TAOK2: variants seen among roughly 807,000 people sequenced by gnomAD.
TAOK2 encodes the protein TAO kinase 2, also known as serine/threonine-protein kinase TAO2.
Under a neutral mutation model 122.5 loss-of-function variants are expected in TAOK2, and 42 were observed. The observed-to-expected ratio is 0.34, with a 90% confidence interval of 0.27 to 0.44. The LOEUF (loss-of-function observed/expected upper bound fraction) is 0.44. Ranked by LOEUF, TAOK2 falls within the 20% of genes least tolerant of loss-of-function variation. The pLI, the probability that TAOK2 is intolerant of heterozygous loss-of-function variation, is 1.00. For missense variants in TAOK2, 1,264 were observed against 1,644.9 expected (o/e 0.77, Z 4.01); for synonymous variants, 704 against 677.6 (o/e 1.04, Z -0.61).
chr16:29,986,668 G>A lies in TAOK2; in HGVS notation c.2396G>A (p.Arg799Lys). The A allele has an allele frequency of 6.2e-7, 1 of 1,613,054 alleles. No individual in the cohort carries two copies. The highest frequency in any genetic ancestry group is 8.5e-7 in the Non-Finnish European group (1 of 1,179,646). ...GAGGAGGAGGAAGCAGTTGGAGAGA[G>A]AAGGATTCTGGGAAAGGAAGGGGCC... ...LGEEEEAVGE[R>K]RILGKEGATL... The change falls in exon 16 of 16, where the codon AGA becomes AAA. Residue 799 changes from arginine (R) to lysine (K), a missense_variant. Arg to Lys is a conservative substitution (Grantham distance 26, BLOSUM62 2). Around this residue, in one of 4 missense-constraint regions of TAOK2, gnomAD observed 824 missense variants for 908.7 expected, o/e 0.91. Coordinates refer to ENST00000308893, the MANE Select transcript of TAOK2 (RefSeq NM_016151.4). This position sits in a 1 kb window ranked among gnomAD's most constrained non-coding sequence, Gnocchi z 4.2.
At position 29,986,780 on chromosome 16, in the gene TAOK2, TGAG is replaced by T. The variant is rs1292587667; in HGVS notation, c.2511_2513del (p.Glu838del). On this transcript the variant is annotated inframe_deletion, in exon 16 of 16. Transcript: ENST00000308893. The surrounding 1 kb of genome is among the most constrained non-coding windows in gnomAD (Gnocchi z 4.2). The stretch of plus-strand genomic sequence containing the variant: ...CACAAAAACATGGGAGCCTGGTTGA[TGAG>T]GAAGTTTGGGGTCTGCCTGAGGAGA... 2 of 1,613,558 alleles carry T rather than the reference TGAG, an allele frequency of 1.2e-6. No individual in the cohort carries two copies. Among genetic ancestry groups the T allele is most frequent in the East Asian group, 4.5e-5 (2 of 44,892 alleles).
intron 13 of TAOK2, chr16:29,984,995 G>A (rs779545236): frequency 2.2e-4 from 103 of 478,760 alleles, no homozygotes; most frequent in Non-Finnish European, 3.2e-4. Context: ...CCCTGTGCTC[G>A]CCACCTTTTA....
Position 29,977,763 on chromosome 16 carries a change from A to G in TAOK2, c.-10A>G. The G allele has an allele frequency of 6.2e-7, 1 of 1,613,810 alleles. No homozygotes were observed. Among genetic ancestry groups the G allele is most frequent in the Non-Finnish European group, 8.5e-7 (1 of 1,179,888 alleles). ...GCCAGGCCCCACTCTCAGGGCCCCC[A>G]GGGGCCACCATGCCAGCTGGGGGCC... On this transcript the variant is annotated 5_prime_UTR_variant, in exon 2 of 16. Coordinates refer to ENST00000308893, the MANE Select transcript of TAOK2 (RefSeq NM_016151.4).
Position 29,985,759 on chromosome 16 carries a change from G to T in TAOK2, c.1890G>T (p.Gly630=). ...AGTGCCAGGCGGAGGAGGAAGCAGG[G>T]CTGCTGCGGCGGCAGCGCCAGTACT... is the stretch of plus-strand genomic sequence containing the variant. ...LQQCQAEEEA[G]LLRRQRQYFE... Residue 630 remains glycine, a synonymous_variant, in exon 15 of 16, where the codon GGG becomes GGT. Transcript: ENST00000308893. The surrounding 1 kb of genome is among the most constrained non-coding windows in gnomAD (Gnocchi z 6.9). 6.2e-7 allele frequency: 1 copy of T among 1,611,600 alleles called. No homozygotes were observed.
rs2150907403 is a variant in TAOK2, at chr16:29,988,149, G to T, written c.*169G>T. ...CTCTAGACAGGCAGCCTCCTCAGCT[G>T]TGGAGTCCAGCAGTCACTCTGTGTT... On this transcript the variant is annotated 3_prime_UTR_variant, in exon 16 of 16. Transcript: ENST00000308893. 7.0e-7 allele frequency: 1 copy of T among 1,433,120 alleles called. No individual in the cohort carries two copies. Among genetic ancestry groups the T allele is most frequent in the East Asian group, 2.5e-5 (1 of 39,878 alleles). 88.8% of individuals were successfully genotyped at this position (1,433,120 alleles called of 1,614,324 possible).
Position 29,978,251 on chromosome 16 carries a change from G to C in TAOK2, c.205-1G>C. ...AACCTCTGCCTACCCTGACCCCCTAGAAATGGCAAGACATCATCAAGGAGG... is the reference window on the plus strand; with the variant it reads ...AACCTCTGCCTACCCTGACCCCCTACAAATGGCAAGACATCATCAAGGAGG... On this transcript the variant is annotated splice_acceptor_variant, in intron 3 of 15. Coordinates refer to ENST00000308893, the MANE Select transcript of TAOK2 (RefSeq NM_016151.4). LOFTEE classifies it high-confidence loss of function. 6.2e-7 allele frequency: 1 copy of C among 1,614,066 alleles called. No individual in the cohort carries two copies. The highest frequency in any genetic ancestry group is 2.2e-5 in the East Asian group (1 of 44,884).
At chr16:29,983,787 C>T in intron 13 of TAOK2, 123 bp downstream of exon 13, 1 of 1,436,406 alleles carries the variant, frequency 7.0e-7, no homozygotes, top group Non-Finnish European at 9.4e-7. Flanking sequence ...TTTTCTGTTG[C>T]TGGCTCCTGC....
Position 29,975,263 on chromosome 16 carries a change from TTC to T in TAOK2, c.-36+620_-36+621del, listed in dbSNP as rs1267563982. ...CTTTTACAAAGTGCTTTGACAGCCA[TTC>T]TCTCATGTGACATCCCCGCATTCAC... On this transcript the variant is annotated intron_variant, in intron 1 of 15. Coordinates refer to ENST00000308893, the MANE Select transcript of TAOK2 (RefSeq NM_016151.4). Among the ~76,000 whole-genome samples, 3 of 152,226 alleles carry T rather than the reference TTC, an allele frequency of 2.0e-5. No homozygotes were observed. In the East Asian group the frequency reaches 5.8e-4, roughly 29 times the overall value.
Position 29,985,734 on chromosome 16 carries a change from A to C in TAOK2, c.1865A>C (p.Gln622Pro). Reference sequence around the variant, plus strand: ...CTGCGGCAGAAGGAGCAGCTCCAGCAGTGCCAGGCGGAGGAGGAAGCAGGG... The same window carrying C: ...CTGCGGCAGAAGGAGCAGCTCCAGCCGTGCCAGGCGGAGGAGGAAGCAGGG... Reference protein sequence around the residue: ...WLLRQKEQLQQCQAEEEAGLL... With the variant: ...WLLRQKEQLQPCQAEEEAGLL... The change falls in exon 15 of 16, where the codon CAG becomes CCG. Residue 622 changes from glutamine to proline, a missense_variant. Physicochemically the swap from Gln to Pro is moderately conservative, Grantham distance 76. Around this residue, in one of 4 missense-constraint regions of TAOK2, gnomAD observed 824 missense variants for 908.7 expected, o/e 0.91. Transcript: ENST00000308893. This position sits in a 1 kb window ranked among gnomAD's most constrained non-coding sequence, Gnocchi z 6.9. The C allele has an allele frequency of 6.2e-7, 1 of 1,610,244 alleles. No individual in the cohort carries two copies. Among genetic ancestry groups the C allele is most frequent in the Non-Finnish European group, 8.5e-7 (1 of 1,178,946 alleles).
downstream of TAOK2, chr16:29,988,588 G>C: frequency 1.0e-6 from 1 of 985,364 alleles, no homozygotes; most frequent in Non-Finnish European, 1.2e-6. Context: ...CCGGCTCTGG[G>C]GTCTGGGCCC....
At chr16:29,977,926 T>G (rs1471504107) in intron 2 of TAOK2, 22 bp downstream of exon 2, 9 of 1,613,586 alleles carry the variant, frequency 5.6e-6, no homozygotes, top group Non-Finnish European at 6.8e-6. Flanking sequence ...CTTGGGAGGG[T>G]GTAATAGGGA....
At position 29,979,365 on chromosome 16, in the gene TAOK2, G is replaced by A. The variant is rs141349022; in HGVS notation, c.564-52G>A. ...CCTCCCAGGGATGTTGGGAGTAGGA[G>A]TGACAGGGTCTCGGCGGGTGATTTG... On this transcript the variant is annotated intron_variant, in intron 7 of 15. Transcript: ENST00000308893. The surrounding 1 kb of genome is among the most constrained non-coding windows in gnomAD (Gnocchi z 4.1). 3 of 1,610,308 alleles carry A rather than the reference G, an allele frequency of 1.9e-6. No homozygotes were observed. In the East Asian group the frequency reaches 6.7e-5, roughly 36 times the overall value.
downstream of TAOK2, chr16:29,991,367 G>A: frequency 6.3e-7 from 1 of 1,588,926 alleles, no homozygotes; most frequent in Non-Finnish European, 8.6e-7. The surrounding 1 kb of genome is among the most constrained non-coding windows in gnomAD (Gnocchi z 5.6). Context: ...ACTGGCTGGG[G>A]CCCCCCACAC....
chr16:29,986,525 C>T lies in TAOK2; in HGVS notation c.2253C>T (p.Pro751=), dbSNP rs1264568328. 11 of 1,612,548 alleles carry T rather than the reference C, an allele frequency of 6.8e-6. No individual in the cohort carries two copies. Among genetic ancestry groups the T allele is most frequent in the Non-Finnish European group, 5.1e-6 (6 of 1,179,318 alleles). Residue 751 remains proline, a synonymous_variant, in exon 16 of 16, where the codon CCC becomes CCT. Transcript: ENST00000308893. The surrounding 1 kb of genome is among the most constrained non-coding windows in gnomAD (Gnocchi z 4.2). ...KSLKVRAGQR[P]PGLPLPIPGA... ...TCAAAGTACGTGCAGGCCAGCGCCC[C>T]CCGGGCCTTCCACTCCCCATTCCTG...
At chr16:29,989,399 G>C, downstream of TAOK2, 11 of 984,628 alleles carry the variant, frequency 1.1e-5, no homozygotes, top group Non-Finnish European at 1.3e-5. Context: ...CTGTCTGTCT[G>C]TATACAGCTC....
chr16:29,989,408 TC>T (rs1404469387), downstream of TAOK2: 1 of 984,440 alleles, frequency 1.0e-6, no homozygotes, highest in Non-Finnish European at 1.2e-6. Flanking sequence ...TGTATACAGC[TC>T]CCCCCACCCC....
Position 29,988,347 on chromosome 16 carries a change from C to G in TAOK2, c.*367C>G, listed in dbSNP as rs750279906. The G allele has an allele frequency of 5.1e-6, 7 of 1,383,438 alleles. No homozygotes were observed. The highest frequency in any genetic ancestry group is 1.4e-5 in the African/African-American group (1 of 69,058). The allele number at this position is 1,383,438 out of a possible 1,614,324, so 85.7% of individuals were successfully genotyped here. A position where few individuals can be genotyped will look rare whatever the true frequency, so the allele number is the denominator to read the frequency against. ...CCCTTCCAACCTGTCCCCTTCCCCC[C>G]ACCAAAAAAAGAAAAAGACAAACAC... On this transcript the variant is annotated 3_prime_UTR_variant, in exon 16 of 16. Coordinates refer to ENST00000308893, the MANE Select transcript of TAOK2 (RefSeq NM_016151.4).
chr16:29,991,000 G>A, downstream of TAOK2: 1 of 1,594,152 alleles, frequency 6.3e-7, no homozygotes, highest in Non-Finnish European at 8.5e-7. Flanking sequence ...TGGGGAGGGA[G>A]GGTGGGCTCC....
intron 1 of TAOK2, among the ~76,000 whole-genome samples, chr16:29,977,016 G>A (rs763735170): frequency 4.6e-5 from 7 of 152,188 alleles, no homozygotes; most frequent in Non-Finnish European, 8.8e-5. Flanking sequence ...GATAATGCAC[G>A]TAAGGTACTC....
Sources: allele counts gnomAD v4.1 joint callset (sites outside exome capture counted in the v4.1 genomes callset), GRCh38; gene constraint gnomAD v4.1.1; regional missense constraint gnomAD v4.1.1; non-coding constraint Gnocchi (gnomAD v3.1); transcripts MANE v1.5; gene names NCBI Gene and HGNC (gene_info 2026-07-23, HGNC 2026-07-21).